The following GALNT17 variants were observed in gnomAD, a reference collection of about 807,000 sequenced individuals.
GALNT17 encodes UDP-GalNAc:polypeptide N-acetylgalactosaminyltransferase-like 3.
GALNT17 carries 29 observed loss-of-function variants against 63.7 expected under a neutral mutation model. The observed-to-expected ratio is 0.46, with a 90% CI of 0.34 to 0.62. The LOEUF is 0.62. GALNT17 is among the 20% of genes least tolerant of loss of function. The pLI is 0.01. For synonymous variants in GALNT17, 305 were observed against 318.3 expected (o/e 0.96, Z 0.45); for missense variants, 603 against 799.6 (o/e 0.75, Z 2.97).
chr7:71,141,484 C>G (rs1787890347), intron 1 of GALNT17, among the ~76,000 whole-genome samples: 1 of 151,954 alleles, frequency 6.6e-6, no homozygotes, highest in Non-Finnish European at 1.5e-5. Context: ...TAAAATGGGA[C>G]TGTCATATGT....
intron 6 of GALNT17, among the ~76,000 whole-genome samples, chr7:71,615,874 C>T (rs1047330829): frequency 3.3e-5 from 5 of 152,118 alleles, no homozygotes; most frequent in Admixed American, 1.3e-4. Context: ...AGCCTCCACT[C>T]GGCTTGACAG....
chr7:71,344,999 T>C lies in GALNT17; in HGVS notation c.422+9266T>C, dbSNP rs566822289. On this transcript the variant is annotated intron_variant, in intron 2 of 10. Transcript: ENST00000333538. ...TGCTTGTCCGGCGTTTCCCAAAGTA[T>C]TGGTTTTCTTGAGTAACCACAGGAC... 2.2e-4 allele frequency among the ~76,000 whole-genome samples: 32 copies of C among 147,402 alleles called. No individual in the cohort carries two copies. In the South Asian group the frequency reaches 6.9e-3, roughly 32 times the overall value.
At chr7:71,373,698 T>C (rs566027947) in intron 2 of GALNT17, among the ~76,000 whole-genome samples, 6 of 152,300 alleles carry the variant, frequency 3.9e-5, no homozygotes, top group Admixed American at 2.0e-4. Context: ...TGCACACTCC[T>C]TATGAGAATC....
intron 1 of GALNT17, among the ~76,000 whole-genome samples, chr7:71,261,774 CA>C (rs2115629819): frequency 1.3e-5 from 2 of 152,284 alleles, no homozygotes; most frequent in African/African-American, 4.8e-5. Context: ...GCCTCTGTGC[CA>C]AGTGTGTCTC....
intron 1 of GALNT17, among the ~76,000 whole-genome samples, chr7:71,177,641 G>C (rs73700619): frequency 6.6e-6 from 1 of 152,252 alleles, no homozygotes; most frequent in African/African-American, 2.4e-5. Context: ...TGATGGAAAA[G>C]ACGTTCCAGT....
intron 6 of GALNT17, among the ~76,000 whole-genome samples, chr7:71,622,408 A>C (rs1350681917): frequency 6.6e-6 from 1 of 152,218 alleles, no homozygotes; most frequent in Non-Finnish European, 1.5e-5. Context: ...AAGCAGCTGG[A>C]ATCCTGAGTC....
At chr7:71,257,715 A>G (rs2115600121) in intron 1 of GALNT17, among the ~76,000 whole-genome samples, 1 of 152,272 alleles carries the variant, frequency 6.6e-6, no homozygotes, top group South Asian at 2.1e-4. Flanking sequence ...GGGATGCTGG[A>G]GATGGATCTG....
chr7:71,405,115 G>A (rs956588805), intron 3 of GALNT17, among the ~76,000 whole-genome samples: 3 of 152,210 alleles, frequency 2.0e-5, no homozygotes, highest in African/African-American at 7.2e-5. Context: ...AGAAGTGTGG[G>A]TGCTTCCAAG....
intron 2 of GALNT17, among the ~76,000 whole-genome samples, chr7:71,362,973 CTTTT>C (rs918133566): frequency 1.2e-4 from 18 of 149,572 alleles, no homozygotes; most frequent in Admixed American, 7.3e-4. Context: ...TTCTTTCTTT[CTTTT>C]TTTTTTTGAG....
At chr7:71,331,279 T>C (rs1411641591) in intron 1 of GALNT17, among the ~76,000 whole-genome samples, 1 of 152,172 alleles carries the variant, frequency 6.6e-6, no homozygotes, top group Non-Finnish European at 1.5e-5. Flanking sequence ...TTCCTTTTGA[T>C]CACTGACCGC....
In GALNT17 at chr7:71,433,964, A is replaced by G. The variant is rs112915960; in HGVS notation, c.962+12859A>G. ...AGGATAAAAGCAGGCAGGAATGTGG[A>G]AGGACTAGATTGGCTGAGTCTTCTG... On this transcript the variant is annotated intron_variant, in intron 5 of 10. Transcript: ENST00000333538. 3.3e-3 allele frequency among the ~76,000 whole-genome samples: 503 copies of G among 152,034 alleles called. 1 individual carries two copies. The highest frequency in any genetic ancestry group is 0.012 in the African/African-American group (479 of 41,462).
At chr7:71,315,390 G>A (rs1386563382) in intron 1 of GALNT17, among the ~76,000 whole-genome samples, 4 of 152,156 alleles carry the variant, frequency 2.6e-5, no homozygotes, top group African/African-American at 9.7e-5. Flanking sequence ...TACATACCTA[G>A]GAGCGGAATT....
rs904905502 is a variant in GALNT17 at position 71,566,075 on chromosome 7, A to G, written c.963-5210A>G. 2.6e-5 allele frequency among the ~76,000 whole-genome samples: 4 copies of G among 151,738 alleles called. No individual in the cohort carries two copies. In the East Asian group the frequency reaches 5.8e-4, roughly 22 times the overall value. On this transcript the variant is annotated intron_variant, in intron 5 of 10. Coordinates refer to ENST00000333538, the MANE Select transcript of GALNT17 (RefSeq NM_022479.3). The stretch of plus-strand genomic sequence containing the variant: ...TTGTAGTAGAGACAGGGATTTTCCC[A>G]TGTTGGCCAGGCTGGTCTTGAACTC...
chr7:71,382,525 G>C (rs2116323178), intron 2 of GALNT17, among the ~76,000 whole-genome samples: 1 of 152,294 alleles, frequency 6.6e-6, no homozygotes, highest in East Asian at 1.9e-4. Flanking sequence ...TCCAACTGCA[G>C]CTGTTCTGGG....
intron 5 of GALNT17, among the ~76,000 whole-genome samples, chr7:71,561,071 G>A (rs1393732307): frequency 6.6e-6 from 1 of 152,154 alleles, no homozygotes; most frequent in Non-Finnish European, 1.5e-5. Flanking sequence ...GGAGTGCAGT[G>A]GCATGATCTT....
At position 71,221,383 on chromosome 7, in the gene GALNT17, C is replaced by A. The variant is rs1206857275; in HGVS notation, c.238+88343C>A. 3.6e-5 allele frequency among the ~76,000 whole-genome samples: 4 copies of A among 110,872 alleles called. No homozygotes were observed. The South Asian group carries it at 1.2e-3, about 34-fold the overall frequency. The allele number at this position is 110,872 out of a possible 152,430, so 72.7% of individuals were successfully genotyped here. A position where few individuals can be genotyped will look rare whatever the true frequency, so the allele number is the denominator to read the frequency against. ...AACCTTATACAGAATTACAGCCATG[C>A]TTTTTTTTTTTTTTTTTTTTTTTCC... On this transcript the variant is annotated intron_variant, in intron 1 of 10. Transcript: ENST00000333538.
intron 5 of GALNT17, among the ~76,000 whole-genome samples, chr7:71,503,301 C>T (rs576343726): frequency 3.9e-4 from 59 of 152,244 alleles, no homozygotes; most frequent in African/African-American, 1.1e-3. Context: ...AGTGCAGTGG[C>T]GTGATCTCAG....
At chr7:71,146,814 C>G (rs1788031813) in intron 1 of GALNT17, among the ~76,000 whole-genome samples, 1 of 152,182 alleles carries the variant, frequency 6.6e-6, no homozygotes, top group African/African-American at 2.4e-5. Context: ...TCAGCTTTGC[C>G]ATGCATGAGT....
intron 6 of GALNT17, among the ~76,000 whole-genome samples, chr7:71,621,279 A>G (rs770672859): frequency 4.0e-5 from 6 of 151,824 alleles, no homozygotes; most frequent in Non-Finnish European, 8.8e-5. Context: ...TCTTCTCAGT[A>G]TACATGAAAT....
Sources: allele counts gnomAD v4.1 joint callset (sites outside exome capture counted in the v4.1 genomes callset), GRCh38; gene constraint gnomAD v4.1.1; transcripts MANE v1.5; gene names NCBI Gene and HGNC (gene_info 2026-07-23, HGNC 2026-07-21).